The following AGPAT3 variants were observed in gnomAD, a reference collection of about 807,000 sequenced individuals.
AGPAT3 encodes the protein 1-acyl-sn-glycerol-3-phosphate acyltransferase gamma.
AGPAT3 carries 5 observed loss-of-function variants against 47.3 expected under a neutral mutation model. The ratio of observed to expected loss-of-function variants is 0.11; its 90% CI spans 0.06 to 0.22. The LOEUF is 0.22. Ranked by LOEUF, AGPAT3 falls within the 10% of genes least tolerant of loss-of-function variation. AGPAT3 has a pLI of 1.00. For missense variants in AGPAT3, 315 were observed against 493.0 expected (o/e 0.64, Z 3.42); for synonymous variants, 212 against 208.3 (o/e 1.02, Z -0.15).
chr21:43,915,573 G>A (rs1569061651), intron 2 of AGPAT3, among the ~76,000 whole-genome samples: 1 of 151,038 alleles, frequency 6.6e-6, no homozygotes, highest in Non-Finnish European at 1.5e-5. Context: ...CACCATGCCT[G>A]GCTAATTTTT....
At chr21:43,959,605 T>C in intron 2 of AGPAT3, 29 bp from the exon 3 acceptor site, 1 of 1,596,594 alleles carries the variant, frequency 6.3e-7, no homozygotes, top group Non-Finnish European at 8.5e-7. Flanking sequence ...GTGGCCACCC[T>C]GACGCTGTCC....
In AGPAT3 at chr21:43,865,227, G is replaced by T. The variant is rs913880240; in HGVS notation, c.-230G>T. 1 of 147,250 alleles carries T rather than the reference G, an allele frequency of 6.8e-6. No homozygotes were observed. The highest frequency in any genetic ancestry group is 1.5e-5 in the Non-Finnish European group (1 of 65,840). The allele number at this position is 147,250 out of a possible 1,614,324, so 9.1% of individuals were successfully genotyped here. ...GCCGGGGGCGGCGGGCGCCGCACTC[G>T]CTGAGGCCCCGACGCAGGGCCGGGC... On this transcript the variant is annotated 5_prime_UTR_variant, in exon 1 of 10. Transcript: ENST00000291572.
intron 1 of AGPAT3, among the ~76,000 whole-genome samples, chr21:43,866,374 G>A (rs1388989604): frequency 6.6e-6 from 1 of 152,066 alleles, no homozygotes; most frequent in Non-Finnish European, 1.5e-5. Flanking sequence ...CCGAGAGCCT[G>A]CTGGGGGCTG....
At position 43,939,337 on chromosome 21, in the gene AGPAT3, T is replaced by C. The variant is rs1169907480; in HGVS notation, c.-48-20297T>C. 2.0e-5 allele frequency among the ~76,000 whole-genome samples: 3 copies of C among 152,036 alleles called. No individual in the cohort carries two copies. In the South Asian group the frequency reaches 6.2e-4, roughly 32 times the overall value. On this transcript the variant is annotated intron_variant, in intron 2 of 9. Coordinates refer to ENST00000291572, the MANE Select transcript of AGPAT3 (RefSeq NM_020132.5). This position sits in a 1 kb window ranked among gnomAD's most constrained non-coding sequence, Gnocchi z 4.4. ...CCCGTCGCTGTTGTTGTCGGGGGCC[T>C]CCCGCGCCCCAGGAGGTTTCCCAGG...
chr21:43,959,946 G>A, intron 3 of AGPAT3, 87 bp downstream of exon 3: 1 of 1,417,428 alleles, frequency 7.1e-7, no homozygotes, highest in Non-Finnish European at 9.6e-7. Flanking sequence ...TGGGCTCTCA[G>A]GCAGGAAGTG....
intron 2 of AGPAT3, among the ~76,000 whole-genome samples, chr21:43,945,778 TCA>T: frequency 6.6e-6 from 1 of 152,236 alleles, no homozygotes; most frequent in Non-Finnish European, 1.5e-5. Flanking sequence ...ATGTGGCATT[TCA>T]ATCGGTAAAT....
At chr21:43,910,050 G>T (rs566178059) in intron 2 of AGPAT3, among the ~76,000 whole-genome samples, 1 of 152,290 alleles carries the variant, frequency 6.6e-6, no homozygotes, top group South Asian at 2.1e-4. Context: ...TTCTTTCCGG[G>T]TTAAAACCCA....
chr21:43,951,264 G>A (rs2088179859), intron 2 of AGPAT3, among the ~76,000 whole-genome samples: 2 of 152,210 alleles, frequency 1.3e-5, no homozygotes, highest in South Asian at 4.1e-4. Context: ...CCGTTTCTCA[G>A]TTCCCCATTA....
chr21:43,931,243 G>A (rs938969031), intron 2 of AGPAT3, among the ~76,000 whole-genome samples: 2 of 152,196 alleles, frequency 1.3e-5, no homozygotes, highest in African/African-American at 2.4e-5. Context: ...TGCTAGTGAC[G>A]TCCCACTGCT....
chr21:43,867,447 G>T (rs1316919153), intron 1 of AGPAT3: 1 of 152,356 alleles, frequency 6.6e-6, no homozygotes, highest in Non-Finnish European at 1.5e-5. Context: ...GAGGAGGGGT[G>T]TCCTTAACTT....
chr21:43,973,566 A>C lies in AGPAT3; in HGVS notation c.767+2076A>C, dbSNP rs545097104. Among the ~76,000 whole-genome samples, 330 of 152,322 alleles carry C rather than the reference A, an allele frequency of 2.2e-3. 3 individuals are homozygous for C. The highest frequency in any genetic ancestry group is 4.4e-3 in the Admixed American group (67 of 15,306). ...CGCCTCGGGTGCCACACAGCCCCCC[A>C]CGGAGAGACTCCTCATCCGCCATCC... On this transcript the variant is annotated intron_variant, in intron 7 of 9. Transcript: ENST00000291572.
At chr21:43,965,608 T>C (rs1003956332) in intron 3 of AGPAT3, 1 of 152,454 alleles carries the variant, frequency 6.6e-6, no homozygotes, top group Non-Finnish European at 1.5e-5. Flanking sequence ...TTTTAGGTTT[T>C]TTTTGTTGTT....
intron 2 of AGPAT3, among the ~76,000 whole-genome samples, chr21:43,958,555 T>C (rs1328176634): frequency 1.3e-5 from 2 of 151,446 alleles, no homozygotes; most frequent in African/African-American, 4.9e-5. Flanking sequence ...TTGTGGTGTG[T>C]GTGGTGCGTG....
At chr21:43,894,470 G>A (rs1350490200) in intron 1 of AGPAT3, among the ~76,000 whole-genome samples, 1 of 151,788 alleles carries the variant, frequency 6.6e-6, no homozygotes, top group East Asian at 1.9e-4. Flanking sequence ...GAGGGGATAA[G>A]TGTGATAATT....
At chr21:43,947,221 A>G (rs1226846676) in intron 2 of AGPAT3, among the ~76,000 whole-genome samples, 1 of 152,230 alleles carries the variant, frequency 6.6e-6, no homozygotes, top group Admixed American at 6.5e-5. Context: ...GCAGTGGCAG[A>G]CACAACTTGG....
intron 3 of AGPAT3, among the ~76,000 whole-genome samples, chr21:43,961,501 T>C (rs554071096): frequency 8.1e-6 from 1 of 123,496 alleles, no homozygotes; most frequent in Admixed American, 8.5e-5. Context: ...AGTGAACGCG[T>C]AGACACTTTG....
intron 2 of AGPAT3, among the ~76,000 whole-genome samples, chr21:43,941,751 G>A (rs1569077839): frequency 6.6e-6 from 1 of 152,270 alleles, no homozygotes; most frequent in Non-Finnish European, 1.5e-5. Context: ...GCGAGCGGGC[G>A]ACTCTGGCAG....
chr21:43,963,783 T>G (rs1026104146), intron 3 of AGPAT3, among the ~76,000 whole-genome samples: 1 of 150,696 alleles, frequency 6.6e-6, no homozygotes, highest in African/African-American at 2.5e-5. Flanking sequence ...CCACGCTGGA[T>G]GGTCAGCAGT....
At chr21:43,886,323 G>A (rs2085977635) in intron 1 of AGPAT3, among the ~76,000 whole-genome samples, 1 of 151,784 alleles carries the variant, frequency 6.6e-6, no homozygotes, top group Non-Finnish European at 1.5e-5. Flanking sequence ...GCGTGGTCTC[G>A]GCTCACTGCA....
Sources: gnomAD v4.1 joint callset for allele counts (sites outside exome capture counted in the v4.1 genomes callset) on GRCh38, gnomAD v4.1.1 for gene constraint, Gnocchi (gnomAD v3.1) non-coding constraint, MANE v1.5 for transcripts, NCBI Gene and HGNC (gene_info 2026-07-23, HGNC 2026-07-21) for gene names.